The following SRGAP2C variants were observed in gnomAD, a reference collection of about 807,000 sequenced individuals.
The protein encoded by SRGAP2C is SLIT-ROBO Rho GTPase-activating protein 2C.
In SRGAP2C, 15 loss-of-function variants were observed where a neutral mutation model predicts 25.1. The ratio of observed to expected loss-of-function variants is 0.60; its 90% CI spans 0.40 to 0.92. The LOEUF (loss-of-function observed/expected upper bound fraction) is 0.92, where lower values mean the gene tolerates loss of function less well. Among genes scored for constraint, SRGAP2C ranks in the 40% least tolerant of loss-of-function variants. The probability of loss-of-function intolerance (pLI) is 0.00; values close to 1 mark genes in which losing one functional copy is unlikely to be tolerated. For missense variants in SRGAP2C, 144 were observed against 264.4 expected (o/e 0.54, Z 3.16); for synonymous variants, 44 against 96.6 (o/e 0.46, Z 3.19).
At chr1:121,271,242 G>A (rs1184064149) in intron 2 of SRGAP2C, among the ~76,000 whole-genome samples, 1 of 148,242 alleles carries the variant, frequency 6.7e-6, no homozygotes, top group Non-Finnish European at 1.5e-5. Context: ...TGCTCCAAAG[G>A]TACAGTGAAT....
intron 3 of SRGAP2C, among the ~76,000 whole-genome samples, chr1:121,286,571 G>A (rs1207473248): frequency 1.3e-5 from 2 of 151,922 alleles, no homozygotes; most frequent in African/African-American, 4.8e-5. Context: ...CTATGTTTTT[G>A]ATATCAAATT....
At chr1:121,195,159 C>G (rs1553320398) in intron 2 of SRGAP2C, among the ~76,000 whole-genome samples, 1 of 151,860 alleles carries the variant, frequency 6.6e-6, no homozygotes, top group African/African-American at 2.4e-5. Flanking sequence ...ATCTGTAATC[C>G]CAGCACTTTG....
At chr1:121,208,029 G>T (rs1280924450) in intron 2 of SRGAP2C, among the ~76,000 whole-genome samples, 1 of 151,216 alleles carries the variant, frequency 6.6e-6, no homozygotes, top group Non-Finnish European at 1.5e-5. Context: ...ACCTCTCCTG[G>T]CCTCAAGCCT....
intron 2 of SRGAP2C, among the ~76,000 whole-genome samples, chr1:121,278,189 G>C (rs1321946555): frequency 3.3e-5 from 5 of 151,758 alleles, no homozygotes; most frequent in Admixed American, 3.3e-4. Flanking sequence ...TCTAGTAATC[G>C]GCCCACCTCG....
chr1:121,340,258 T>G (rs1323938555), intron 4 of SRGAP2C, among the ~76,000 whole-genome samples: 1 of 151,620 alleles, frequency 6.6e-6, no homozygotes, highest in Non-Finnish European at 1.5e-5. Context: ...ATTTTGAGGG[T>G]GGAGAGTAGA....
intron 4 of SRGAP2C, among the ~76,000 whole-genome samples, chr1:121,340,731 T>C (rs1443285922): frequency 6.6e-6 from 1 of 151,724 alleles, no homozygotes; most frequent in African/African-American, 2.4e-5. Context: ...TTTAATTACC[T>C]GCTGCCAGGA....
chr1:121,254,291 C>T (rs1285545309), intron 2 of SRGAP2C, among the ~76,000 whole-genome samples: 5 of 107,742 alleles, frequency 4.6e-5, no homozygotes, highest in Non-Finnish European at 9.9e-5. Flanking sequence ...TTTTTCTTTT[C>T]CTCTTTTTAA....
chr1:121,283,945 C>A (rs1324701758), intron 2 of SRGAP2C, among the ~76,000 whole-genome samples: 2 of 147,078 alleles, frequency 1.4e-5, no homozygotes, highest in Non-Finnish European at 3.0e-5. Context: ...CATACAAGGA[C>A]CCTGACCAGC....
intron 2 of SRGAP2C, among the ~76,000 whole-genome samples, chr1:121,234,942 C>A (rs1467111536): frequency 2.6e-5 from 4 of 151,818 alleles, no homozygotes; most frequent in Admixed American, 1.3e-4. Context: ...GTAAGAAATT[C>A]TTTTCTCTTT....
chr1:121,239,281 A>ATAGT (rs1558090880), intron 2 of SRGAP2C, among the ~76,000 whole-genome samples: 1 of 1,412 alleles, frequency 7.1e-4, no homozygotes, highest in Non-Finnish European at 9.9e-4. Flanking sequence ...ATATATATAT[A>ATAGT]CTATATATAT....
At chr1:121,375,940 C>G (rs1195558095) in intron 7 of SRGAP2C, among the ~76,000 whole-genome samples, 2 of 151,368 alleles carry the variant, frequency 1.3e-5, no homozygotes, top group East Asian at 3.9e-4. Context: ...ATATGTGATG[C>G]AAAGGGGATT....
At chr1:121,320,757 T>G (rs1275237894) in intron 3 of SRGAP2C, among the ~76,000 whole-genome samples, 1 of 152,186 alleles carries the variant, frequency 6.6e-6, no homozygotes, top group African/African-American at 2.4e-5. Flanking sequence ...GTTTTAAAGT[T>G]GAGTCACTAT....
intron 3 of SRGAP2C, among the ~76,000 whole-genome samples, chr1:121,292,190 TAGCTGATGAG>T (rs1228260733): frequency 2.0e-5 from 3 of 151,912 alleles, no homozygotes; most frequent in Non-Finnish European, 4.4e-5. Flanking sequence ...AGAGTCCACG[TAGCTGATGAG>T]TTCTGCCCTT....
intron 2 of SRGAP2C, among the ~76,000 whole-genome samples, chr1:121,257,253 C>T (rs1191251639): frequency 1.4e-5 from 2 of 141,698 alleles, no homozygotes; most frequent in Non-Finnish European, 3.1e-5. Context: ...GTAGCTGAGA[C>T]TACAGGCACG....
chr1:121,228,619 G>T (rs1182932924), intron 2 of SRGAP2C, among the ~76,000 whole-genome samples: 2 of 151,010 alleles, frequency 1.3e-5, no homozygotes, highest in African/African-American at 4.9e-5. Flanking sequence ...TTGCCCAGGG[G>T]TTCATGATCA....
At chr1:121,374,679 A>G in intron 6 of SRGAP2C, 147 bp from the exon 7 acceptor site, 1 of 605,922 alleles carries the variant, frequency 1.7e-6, no homozygotes, top group Non-Finnish European at 3.0e-6. Flanking sequence ...GAATCTCATT[A>G]AACAGAATTA....
chr1:121,269,954 TG>T (rs1553334998), intron 2 of SRGAP2C, among the ~76,000 whole-genome samples: 1 of 151,794 alleles, frequency 6.6e-6, no homozygotes, highest in African/African-American at 2.4e-5. Context: ...ATCTTTTTTT[TG>T]TTGTTTCTTT....
At chr1:121,264,717 T>C (rs1195879663) in intron 2 of SRGAP2C, among the ~76,000 whole-genome samples, 20 of 151,182 alleles carry the variant, frequency 1.3e-4, no homozygotes, top group African/African-American at 4.1e-4. Context: ...AATTTCTGTA[T>C]ACTCCTACAG....
At chr1:121,210,115 G>A (rs1212485697) in intron 2 of SRGAP2C, among the ~76,000 whole-genome samples, 2 of 151,444 alleles carry the variant, frequency 1.3e-5, no homozygotes, top group Non-Finnish European at 2.9e-5. Flanking sequence ...ACAGCAACCT[G>A]TGTCTTGACT....
Sources: gnomAD v4.1 joint callset for allele counts (sites outside exome capture counted in the v4.1 genomes callset) on GRCh38, gnomAD v4.1.1 for gene constraint, MANE v1.5 for transcripts, NCBI Gene and HGNC (gene_info 2026-07-23, HGNC 2026-07-21) for gene names.